SLC26A8: variants seen among roughly 807,000 people sequenced by gnomAD.
SLC26A8 encodes the protein solute carrier family 26 member 8.
SLC26A8 carries 70 observed loss-of-function variants against 105.0 expected under a neutral mutation model. That is an observed-to-expected ratio of 0.67 (90% confidence interval 0.55 to 0.81). The LOEUF (loss-of-function observed/expected upper bound fraction) is 0.81. Ranked by LOEUF, SLC26A8 falls within the 40% of genes least tolerant of loss-of-function variation. The pLI, the probability that SLC26A8 is intolerant of heterozygous loss-of-function variation, is 0.00. For missense variants in SLC26A8, 998 were observed against 1,181.8 expected (o/e 0.84, Z 2.28); for synonymous variants, 415 against 438.3 (o/e 0.95, Z 0.66).
rs770601228 is a variant in SLC26A8 at position 35,943,905 on chromosome 6, C to T, written c.2908G>A (p.Val970Ile). Residue 970 changes from valine (V) to isoleucine (I), a missense_variant, in exon 20 of 20, where the codon GTC becomes ATC. Physicochemically the swap from Val to Ile is conservative, Grantham distance 29. Transcript: ENST00000490799. ...YSPEGNSNED[V>I] ...CCTTATTTCTAGTTCATCTCCTAGACATCTTCATTGCTGTTGCCCTCTGGT... is the reference window on the plus strand; with the variant it reads ...CCTTATTTCTAGTTCATCTCCTAGATATCTTCATTGCTGTTGCCCTCTGGT... 2.7e-5 allele frequency: 43 copies of T among 1,613,080 alleles called. No individual in the cohort carries two copies. Among genetic ancestry groups the T allele is most frequent in the Non-Finnish European group, 3.5e-5 (41 of 1,179,178 alleles).
chr6:36,021,462 G>A (rs1013304790), intron 1 of SLC26A8, among the ~76,000 whole-genome samples: 4 of 152,062 alleles, frequency 2.6e-5, no homozygotes, highest in African/African-American at 9.7e-5. Flanking sequence ...GTCTGCTAAT[G>A]ACAAAACTGA....
chr6:35,949,508 A>G (rs936007360), intron 19 of SLC26A8, among the ~76,000 whole-genome samples: 1 of 152,160 alleles, frequency 6.6e-6, no homozygotes, highest in Admixed American at 6.6e-5. Context: ...AGAGTATAAC[A>G]TATAAAAAAT....
At position 35,992,613 on chromosome 6, in the gene SLC26A8, C is replaced by T. The variant is rs17707331; in HGVS notation, c.689G>A (p.Ser230Asn). ...AAGTGCCACAGCAGCCAGGTAAGCA[C>T]TCATTGCAGACTCCGGAAGGTAAGT... is the stretch of plus-strand genomic sequence containing the variant. ...IATYLPESAM[S>N]AYLAAVALHI... The change falls in exon 6 of 20, where the codon AGT becomes AAT. Residue 230 changes from serine (S) to asparagine (N), a missense_variant. Physicochemically the swap from Ser to Asn is conservative, Grantham distance 46. Coordinates refer to ENST00000490799, the MANE Select transcript of SLC26A8 (RefSeq NM_052961.4). 195,637 of 1,613,622 alleles carry T rather than the reference C, an allele frequency of 0.12. 12,785 individuals are homozygous for T. Among genetic ancestry groups the T allele is most frequent in the Middle Eastern group, 0.17 (1,007 of 6,058 alleles).
intron 1 of SLC26A8, among the ~76,000 whole-genome samples, chr6:36,021,488 C>T (rs1236240069): frequency 1.3e-5 from 2 of 152,062 alleles, no homozygotes; most frequent in African/African-American, 2.4e-5. Context: ...TGGGTCACAT[C>T]GAGAGTCTAG....
chr6:35,977,244 T>A lies in SLC26A8; in HGVS notation c.1133A>T (p.Lys378Met). The change falls in exon 9 of 20, where the codon AAG becomes ATG. Residue 378 changes from lysine to methionine, a missense_variant. Transcript: ENST00000490799. ...SSFLLIFLGK[K>M]IASLHNYSVN... ...ACTGTAATTGTGAAGACTGGCAATC[T>A]TCTTGCCCAGAAATATGAGCAGAAA... 1 of 1,614,094 alleles carries A rather than the reference T, an allele frequency of 6.2e-7. No homozygotes were observed. The highest frequency in any genetic ancestry group is 8.5e-7 in the Non-Finnish European group (1 of 1,179,996).
At position 35,984,299 on chromosome 6, in the gene SLC26A8, C is replaced by T. The variant is rs1773396523; in HGVS notation, c.943-2096G>A. On this transcript the variant is annotated intron_variant, in intron 7 of 19. Coordinates refer to ENST00000490799, the MANE Select transcript of SLC26A8 (RefSeq NM_052961.4). Reference sequence around the variant, plus strand: ...CTCCAAAGGAATATATTCTTCTTTTCTTTCTTTCTTCTTCTTCTTATTTTT... The same window carrying T: ...CTCCAAAGGAATATATTCTTCTTTTTTTTCTTTCTTCTTCTTCTTATTTTT... Among the ~76,000 whole-genome samples, 5 of 145,438 alleles carry T rather than the reference C, an allele frequency of 3.4e-5. No homozygotes were observed. In the South Asian group the frequency reaches 1.1e-3, roughly 32 times the overall value.
chr6:35,960,595 G>A, intron 14 of SLC26A8: 1 of 424,040 alleles, frequency 2.4e-6, no homozygotes, highest in Non-Finnish European at 4.2e-6. Context: ...GGTGGAGGTT[G>A]CAGTAAGCCA....
intron 2 of SLC26A8, among the ~76,000 whole-genome samples, chr6:36,013,611 G>C (rs1761921728): frequency 6.6e-6 from 1 of 152,126 alleles, no homozygotes; most frequent in Non-Finnish European, 1.5e-5. Flanking sequence ...GAGAAAACCT[G>C]CTTTAACTTT....
At chr6:36,019,217 C>T (rs1192524066) in intron 2 of SLC26A8, among the ~76,000 whole-genome samples, 1 of 152,084 alleles carries the variant, frequency 6.6e-6, no homozygotes, top group African/African-American at 2.4e-5. Flanking sequence ...TGAGCCATTG[C>T]GTCTTGCTGG....
intron 11 of SLC26A8, 54 bp downstream of exon 11, chr6:35,968,823 G>T: frequency 9.7e-7 from 1 of 1,033,682 alleles, no homozygotes; most frequent in South Asian, 1.4e-5. Context: ...ACACCAAGGA[G>T]CAATCCAGAG....
chr6:35,992,783 C>T (rs1449659105), intron 5 of SLC26A8, 109 bp from the exon 6 acceptor site: 1 of 1,128,592 alleles, frequency 8.9e-7, no homozygotes, highest in Non-Finnish European at 1.2e-6. Context: ...TTAAGATAGG[C>T]CCCTTTGGTA....
At position 35,997,904 on chromosome 6, in the gene SLC26A8, A is replaced by C; in HGVS notation, c.461T>G (p.Val154Gly). The part of the protein sequence containing the change: ...HQMSIGSFFL[V>G]SALLINVLKV... ...CAGAACGTTGATCAGCAGAGCACTCACCAGGAAGAAGGAACCTGTGGAAGA... is the reference window on the plus strand; with the variant it reads ...CAGAACGTTGATCAGCAGAGCACTCCCCAGGAAGAAGGAACCTGTGGAAGA... Residue 154 changes from valine to glycine, a missense_variant, in exon 5 of 20, where the codon GTG becomes GGG. Physicochemically the swap from Val to Gly is moderately radical, Grantham distance 109. Transcript: ENST00000490799. 1 of 1,613,952 alleles carries C rather than the reference A, an allele frequency of 6.2e-7. No individual in the cohort carries two copies. Among genetic ancestry groups the C allele is most frequent in the Admixed American group, 1.7e-5 (1 of 59,998 alleles).
rs753134379 is a variant in SLC26A8 at position 35,992,675 on chromosome 6, C to T, written c.628-1G>A. The T allele has an allele frequency of 2.5e-6, 4 of 1,603,450 alleles. No individual in the cohort carries two copies. The highest frequency in any genetic ancestry group is 3.4e-6 in the Non-Finnish European group (4 of 1,175,516). On this transcript the variant is annotated splice_acceptor_variant, in intron 5 of 19. Coordinates refer to ENST00000490799, the MANE Select transcript of SLC26A8 (RefSeq NM_052961.4). LOFTEE classifies it high-confidence loss of function. The stretch of plus-strand genomic sequence containing the variant: ...CCAAACCCAATACGCCCATTATTAG[C>T]TGCAGAGAAGAGAAAACCAGAGTGG...
intron 12 of SLC26A8, among the ~76,000 whole-genome samples, chr6:35,962,252 A>C (rs1025749966): frequency 2.6e-5 from 4 of 152,058 alleles, no homozygotes; most frequent in African/African-American, 7.2e-5. Flanking sequence ...AGTTATCCAA[A>C]TATGCGATGA....
chr6:35,963,513 TA>T (rs1371969994), intron 11 of SLC26A8, among the ~76,000 whole-genome samples: 1 of 152,182 alleles, frequency 6.6e-6, no homozygotes, highest in Non-Finnish European at 1.5e-5. Context: ...TCCCTTCTAA[TA>T]AACTTTCCTT....
At chr6:35,952,221 C>G (rs967963716) in intron 17 of SLC26A8, among the ~76,000 whole-genome samples, 1 of 152,012 alleles carries the variant, frequency 6.6e-6, no homozygotes, top group Non-Finnish European at 1.5e-5. Flanking sequence ...TGCATGAGAC[C>G]CCCACTTCCC....
At chr6:36,023,407 A>G (rs1762175613) in intron 1 of SLC26A8, among the ~76,000 whole-genome samples, 1 of 151,864 alleles carries the variant, frequency 6.6e-6, no homozygotes, top group Admixed American at 6.6e-5. Flanking sequence ...AAATTAGCCG[A>G]GCATGATGGC....
At chr6:36,023,893 T>C (rs868000851) in intron 1 of SLC26A8, among the ~76,000 whole-genome samples, 25 of 152,146 alleles carry the variant, frequency 1.6e-4, no homozygotes, top group Admixed American at 3.9e-4. Context: ...ACTAGTAAGA[T>C]GACAGTCCTT....
At position 35,997,807 on chromosome 6, in the gene SLC26A8, G is replaced by T. The variant is rs141813036; in HGVS notation, c.558C>A (p.Ser186=). The change falls in exon 5 of 20, where the codon TCC becomes TCA. Residue 186 remains serine, a synonymous_variant. Coordinates refer to ENST00000490799, the MANE Select transcript of SLC26A8 (RefSeq NM_052961.4). ...AGGATTTATTATAGCCCATAAGGTA[G>T]GAGGGGGCCGAAAACTCATTCTTGA... The part of the protein sequence containing the change: ...SFVKNEFSAP[S]YLMGYNKSLS... 1.9e-6 allele frequency: 3 copies of T among 1,614,018 alleles called. No homozygotes were observed. In the African/African-American group the frequency reaches 4.0e-5, roughly 22 times the overall value.
Sources: gnomAD v4.1 joint callset for allele counts (sites outside exome capture counted in the v4.1 genomes callset) on GRCh38, gnomAD v4.1.1 for gene constraint, MANE v1.5 for transcripts, NCBI Gene and HGNC (gene_info 2026-07-23, HGNC 2026-07-21) for gene names.